SPAST: variants seen among roughly 807,000 people sequenced by gnomAD.
The protein encoded by SPAST is spastic paraplegia 4 (autosomal dominant; spastin).
A neutral mutation model predicts 76.6 loss-of-function variants in SPAST; 30 were observed. That is an observed-to-expected ratio of 0.39 (90% CI 0.29 to 0.53). The LOEUF is 0.53. Among genes scored for constraint, SPAST ranks in the 20% least tolerant of loss-of-function variants. SPAST has a pLI of 0.68. For synonymous variants in SPAST, 305 were observed against 281.0 expected, an observed-to-expected ratio of 1.09 and a Z score of -0.86; for missense variants, 717 against 770.5, an observed-to-expected ratio of 0.93 and a Z score of 0.82.
intron 7 of SPAST, among the ~76,000 whole-genome samples, chr2:32,120,798 C>CA (rs1678992341): frequency 6.6e-6 from 1 of 152,114 alleles, no homozygotes; most frequent in African/African-American, 2.4e-5. Flanking sequence ...TTGATGGCTA[C>CA]ATCTTTCAGT....
At chr2:32,066,355 A>T (rs2148688117) in intron 1 of SPAST, among the ~76,000 whole-genome samples, 1 of 152,260 alleles carries the variant, frequency 6.6e-6, no homozygotes, top group East Asian at 1.9e-4. Context: ...GTTTTAGAAT[A>T]GAGGAACATG....
chr2:32,130,957 T>C (rs1679352210), intron 9 of SPAST, among the ~76,000 whole-genome samples: 1 of 152,194 alleles, frequency 6.6e-6, no homozygotes, highest in South Asian at 2.1e-4. Context: ...TATAGACATG[T>C]ATGGGAAACT....
intron 3 of SPAST, among the ~76,000 whole-genome samples, chr2:32,091,966 A>C (rs1186637735): frequency 6.6e-6 from 1 of 152,206 alleles, no homozygotes; most frequent in Non-Finnish European, 1.5e-5. Flanking sequence ...CCATTGAATT[A>C]TTAAAGGAAC....
intron 3 of SPAST, among the ~76,000 whole-genome samples, chr2:32,093,561 A>G (rs1163774919): frequency 6.6e-6 from 1 of 151,994 alleles, no homozygotes; most frequent in African/African-American, 2.4e-5. Context: ...TTTTTCCCAT[A>G]TATTTGTCAC....
At chr2:32,143,544 C>A in intron 14 of SPAST, 129 bp downstream of exon 14, 1 of 659,462 alleles carries the variant, frequency 1.5e-6, no homozygotes, top group South Asian at 1.8e-5. Context: ...TTTCTCTCAT[C>A]CTCTACCTCC....
intron 1 of SPAST, among the ~76,000 whole-genome samples, chr2:32,075,252 C>G (rs1204853494): frequency 6.6e-6 from 1 of 151,118 alleles, no homozygotes; most frequent in Non-Finnish European, 1.5e-5. Flanking sequence ...GAAACCCCAT[C>G]TCTACTAAAA....
chr2:32,080,234 A>C (rs1022174705), intron 1 of SPAST, among the ~76,000 whole-genome samples: 1 of 152,148 alleles, frequency 6.6e-6, no homozygotes, highest in Non-Finnish European at 1.5e-5. Flanking sequence ...CTTTGGAAAA[A>C]TGTCTATTAA....
intron 3 of SPAST, among the ~76,000 whole-genome samples, chr2:32,091,525 C>G (rs1217746160): frequency 6.7e-6 from 1 of 149,908 alleles, no homozygotes; most frequent in African/African-American, 2.4e-5. Flanking sequence ...GATCCATCCA[C>G]CTCAGCCTCC....
At chr2:32,151,648 G>A (rs955637282) in intron 16 of SPAST, among the ~76,000 whole-genome samples, 15 of 152,062 alleles carry the variant, frequency 9.9e-5, no homozygotes, top group African/African-American at 3.6e-4. Flanking sequence ...AGTGGCTCAC[G>A]CCTGTAATCC....
Position 32,082,789 on chromosome 2 carries a change from G to A in SPAST, c.416-4703G>A, listed in dbSNP as rs187207334. Among the ~76,000 whole-genome samples the A allele has an allele frequency of 1.9e-4, 29 of 151,860 alleles. No homozygotes were observed. In the East Asian group the frequency reaches 3.9e-3, roughly 20 times the overall value. ...TGTAGTATGTAGCCTTTTGTGTCTC[G>A]CTTCTCTCCCTTTGCATAATATTTT... On this transcript the variant is annotated intron_variant, in intron 1 of 16. Transcript: ENST00000315285.
At position 32,090,335 on chromosome 2, in the gene SPAST, G is replaced by A. The variant is rs573251217; in HGVS notation, c.586+730G>A. Among the ~76,000 whole-genome samples the A allele has an allele frequency of 5.3e-5, 8 of 152,252 alleles. No individual in the cohort carries two copies. The South Asian group carries it at 1.7e-3, about 32-fold the overall frequency. On this transcript the variant is annotated intron_variant, in intron 3 of 16. Transcript: ENST00000315285. ...CCTAACATATTTACTGTCTGGCCCT[G>A]AGAAAGCCTGCCATCTTCACTTGAC...
intron 9 of SPAST, among the ~76,000 whole-genome samples, chr2:32,130,831 T>C (rs887455051): frequency 1.3e-5 from 2 of 152,214 alleles, no homozygotes; most frequent in Admixed American, 1.3e-4. Context: ...GTCTACAGTT[T>C]TGCAGCGAGA....
chr2:32,102,302 G>A (rs570798943), intron 4 of SPAST, among the ~76,000 whole-genome samples: 1 of 152,002 alleles, frequency 6.6e-6, no homozygotes, highest in East Asian at 1.9e-4. Context: ...GAATGCTTGT[G>A]ATTTTTGCAC....
chr2:32,145,364 TG>T (rs1197138431), intron 15 of SPAST, among the ~76,000 whole-genome samples: 1 of 152,212 alleles, frequency 6.6e-6, no homozygotes, highest in Non-Finnish European at 1.5e-5. Flanking sequence ...CCCAAAGTGC[TG>T]GGATTACAGG....
intron 2 of SPAST, 141 bp downstream of exon 2, chr2:32,087,719 G>A (rs1230357806): frequency 4.0e-5 from 13 of 323,376 alleles, no homozygotes; most frequent in Non-Finnish European, 6.2e-5. Context: ...TTTTGAGACA[G>A]GGTCTTTCCT....
intron 15 of SPAST, among the ~76,000 whole-genome samples, chr2:32,146,207 T>C (rs1359758987): frequency 1.3e-5 from 2 of 152,172 alleles, no homozygotes; most frequent in East Asian, 3.8e-4. Context: ...TCTTAGAACG[T>C]TTTGGCTATT....
At chr2:32,086,454 A>G (rs1356925155) in intron 1 of SPAST, among the ~76,000 whole-genome samples, 2 of 141,606 alleles carry the variant, frequency 1.4e-5, no homozygotes, top group East Asian at 2.3e-4. Context: ...TGACAGCAAG[A>G]CTCTGTTTAA....
In SPAST at chr2:32,154,400, C is replaced by T. The variant is rs778602122; in HGVS notation, c.1755C>T (p.Phe585=). ...TGAGAAATATTCGATTATCTGACTT[C>T]ACTGAATCCTTGAAAAAAATAAAAC... is the stretch of plus-strand genomic sequence containing the variant. ...SEMRNIRLSD[F]TESLKKIKRS... The change falls in exon 17 of 17, where the codon TTC becomes TTT. Residue 585 remains phenylalanine (F), a synonymous_variant. Transcript: ENST00000315285. 1 of 1,612,818 alleles carries T rather than the reference C, an allele frequency of 6.2e-7. No homozygotes were observed. Among genetic ancestry groups the T allele is most frequent in the Non-Finnish European group, 8.5e-7 (1 of 1,178,878 alleles).
At chr2:32,069,951 T>G (rs1409782205) in intron 1 of SPAST, among the ~76,000 whole-genome samples, 1 of 151,988 alleles carries the variant, frequency 6.6e-6, no homozygotes, top group African/African-American at 2.4e-5. Context: ...TTTGGTACCT[T>G]GAAATGTTAA....
Sources: gnomAD v4.1 joint callset for allele counts (sites outside exome capture counted in the v4.1 genomes callset) on GRCh38, gnomAD v4.1.1 for gene constraint, MANE v1.5 for transcripts, NCBI Gene and HGNC (gene_info 2026-07-23, HGNC 2026-07-21) for gene names.